Variants in CEP89 observed in about 807,000 individuals in gnomAD.
CEP89 encodes the protein centrosomal protein 89.
A neutral mutation model predicts 97.6 loss-of-function variants in CEP89; 95 were observed. The ratio of observed to expected loss-of-function variants is 0.97; its 90% CI spans 0.82 to 1.15. The LOEUF (loss-of-function observed/expected upper bound fraction) is 1.15, where lower values mean the gene tolerates loss of function less well. CEP89 is among the 50% of genes most tolerant of loss of function. The pLI is 0.00. For missense variants in CEP89, 869 were observed against 947.7 expected, an observed-to-expected ratio of 0.92 and a Z score of 1.09; for synonymous variants, 354 against 349.1, an observed-to-expected ratio of 1.01 and a Z score of -0.16.
chr19:32,893,177 A>G (rs1215200308), intron 16 of CEP89, among the ~76,000 whole-genome samples: 1 of 152,156 alleles, frequency 6.6e-6, no homozygotes, highest in African/African-American at 2.4e-5. Context: ...ATCCATACAG[A>G]CTGAAAGTAA....
In CEP89 at chr19:32,915,423, TA is replaced by T. The variant is rs1264840369; in HGVS notation, c.1478del (p.Leu493TyrfsTer25). On this transcript the variant is annotated frameshift_variant, in exon 14 of 19. Coordinates refer to ENST00000305768, the MANE Select transcript of CEP89 (RefSeq NM_032816.5). LOFTEE classifies it high-confidence loss of function. ...LAENREQLEI[L>X]RAKCQELKTH... ...TTTTGAGTTCTTGGCATTTGGCACG[TA>T]AAATCTCCAGCTGTTCCCTGTTCTC... 1.2e-6 allele frequency: 2 copies of T among 1,614,030 alleles called. No individual in the cohort carries two copies. Among genetic ancestry groups the T allele is most frequent in the Non-Finnish European group, 1.7e-6 (2 of 1,179,986 alleles).
Position 32,939,898 on chromosome 19 carries a change from A to AAG in CEP89, c.596-15_596-14dup. On this transcript the variant is annotated splice_polypyrimidine_tract_variant and intron_variant, in intron 5 of 18. Transcript: ENST00000305768. Reference sequence around the variant, plus strand: ...GGGTGTTTACCATCTGATGAAGAAAAAGAGAGAGAGATAAACTTTTAAAGT... The same window carrying AAG: ...GGGTGTTTACCATCTGATGAAGAAAAAGAGAGAGAGAGATAAACTTTTAAAGT... 1.4e-5 allele frequency: 18 copies of AAG among 1,249,726 alleles called. No homozygotes were observed. Among genetic ancestry groups the AAG allele is most frequent in the Non-Finnish European group, 1.8e-5 (16 of 872,448 alleles). The allele number at this position is 1,249,726 out of a possible 1,614,324, so 77.4% of individuals were successfully genotyped here.
intron 9 of CEP89, among the ~76,000 whole-genome samples, chr19:32,927,315 A>G (rs987578895): frequency 6.6e-6 from 1 of 152,114 alleles, no homozygotes; most frequent in African/African-American, 2.4e-5. Context: ...AAATACTTGT[A>G]TTTCCTAAAA....
intron 4 of CEP89, among the ~76,000 whole-genome samples, chr19:32,948,866 A>T (rs1357850359): frequency 1.3e-5 from 2 of 152,280 alleles, no homozygotes; most frequent in South Asian, 2.1e-4. Flanking sequence ...CTGGGACCAC[A>T]GGCGTGCACC....
At chr19:32,882,366 C>T (rs1308400452) in intron 17 of CEP89, among the ~76,000 whole-genome samples, 2 of 152,058 alleles carry the variant, frequency 1.3e-5, no homozygotes, top group Admixed American at 1.3e-4. Context: ...AGTTCAAGAC[C>T]AGCCTGGCCA....
In CEP89 at chr19:32,933,807, C is replaced by G. The variant is rs978174894; in HGVS notation, c.668-138G>C. 3 of 653,354 alleles carry G rather than the reference C, an allele frequency of 4.6e-6. No individual in the cohort carries two copies. The African/African-American group carries it at 5.4e-5, about 12-fold the overall frequency. The allele number at this position is 653,354 out of a possible 1,614,324, so 40.5% of individuals were successfully genotyped here. A position where few individuals can be genotyped will look rare whatever the true frequency, so the allele number is the denominator to read the frequency against. On this transcript the variant is annotated intron_variant, in intron 7 of 18. Transcript: ENST00000305768. ...GTCCCTGGGAAGGGAATGGCTTCTA[C>G]AGGAAACAGTAAGTGGCCTGATGAA... is the stretch of plus-strand genomic sequence containing the variant.
intron 4 of CEP89, among the ~76,000 whole-genome samples, chr19:32,953,213 T>G (rs1240952082): frequency 2.7e-5 from 4 of 150,708 alleles, no homozygotes; most frequent in African/African-American, 4.9e-5. Flanking sequence ...GCGCTCACAG[T>G]AAACACTCAA....
At chr19:32,899,665 G>A (rs1345051911) in intron 16 of CEP89, among the ~76,000 whole-genome samples, 192 bp downstream of exon 16, 2 of 152,148 alleles carry the variant, frequency 1.3e-5, no homozygotes, top group African/African-American at 4.8e-5. Flanking sequence ...GTTGTAAGGA[G>A]TTCCTCAATT....
intron 14 of CEP89, among the ~76,000 whole-genome samples, chr19:32,913,635 C>A (rs1052414077): frequency 8.1e-6 from 1 of 123,136 alleles, no homozygotes; most frequent in Non-Finnish European, 1.7e-5. Flanking sequence ...CACATACACA[C>A]ACACTTTTTT....
intron 13 of CEP89, among the ~76,000 whole-genome samples, chr19:32,917,063 T>A (rs1327702365): frequency 6.6e-6 from 1 of 152,056 alleles, no homozygotes; most frequent in Non-Finnish European, 1.5e-5. Context: ...TTCTGGGCAA[T>A]GGGAAAATAG....
intron 17 of CEP89, among the ~76,000 whole-genome samples, chr19:32,886,182 C>A (rs1484024131): frequency 1.3e-5 from 2 of 152,218 alleles, no homozygotes; most frequent in Admixed American, 1.3e-4. Flanking sequence ...ATCTCCTTTG[C>A]GGCAACACTT....
intron 1 of CEP89, among the ~76,000 whole-genome samples, chr19:32,966,688 CTT>C (rs1229891633): frequency 6.6e-6 from 1 of 152,168 alleles, no homozygotes; most frequent in African/African-American, 2.4e-5. Flanking sequence ...GTGTGGCCCT[CTT>C]GTCCTTCCCT....
intron 13 of CEP89, among the ~76,000 whole-genome samples, chr19:32,916,661 G>A: frequency 6.6e-6 from 1 of 152,166 alleles, no homozygotes; most frequent in African/African-American, 2.4e-5. Context: ...GCCGACACTA[G>A]CACTTAGAGG....
chr19:32,914,998 G>A (rs563105703), intron 14 of CEP89, among the ~76,000 whole-genome samples: 3 of 151,974 alleles, frequency 2.0e-5, no homozygotes, highest in Admixed American at 6.6e-5. Flanking sequence ...TCTAGCCTGC[G>A]CAACAGAGTG....
At chr19:32,893,533 A>G (rs1219666112) in intron 16 of CEP89, among the ~76,000 whole-genome samples, 1 of 152,238 alleles carries the variant, frequency 6.6e-6, no homozygotes, top group African/African-American at 2.4e-5. Flanking sequence ...AAATGACCTA[A>G]TAGACATTTA....
At chr19:32,963,629 C>T (rs16967668) in intron 2 of CEP89, 30,061 of 151,884 alleles carry the variant, frequency 0.2, 3,055 homozygotes, top group African/African-American at 0.23. Context: ...CTGGCATACA[C>T]AAAGAGATCT....
chr19:32,955,608 C>T (rs902167992), intron 3 of CEP89, among the ~76,000 whole-genome samples: 2 of 151,696 alleles, frequency 1.3e-5, no homozygotes, highest in Non-Finnish European at 2.9e-5. Flanking sequence ...CCGCTTCCCG[C>T]GTTCAAGTGA....
intron 3 of CEP89, among the ~76,000 whole-genome samples, chr19:32,956,748 T>A (rs1436565495): frequency 6.6e-6 from 1 of 152,230 alleles, no homozygotes; most frequent in Non-Finnish European, 1.5e-5. Context: ...GTTTTTTCTG[T>A]TCTATTAATA....
chr19:32,892,157 G>T (rs959517278), intron 16 of CEP89, among the ~76,000 whole-genome samples: 2 of 135,194 alleles, frequency 1.5e-5, no homozygotes, highest in African/African-American at 5.4e-5. Context: ...TATATATTTA[G>T]ACATACATAT....
Sources: gnomAD v4.1 joint callset for allele counts (sites outside exome capture counted in the v4.1 genomes callset) on GRCh38, gnomAD v4.1.1 for gene constraint, MANE v1.5 for transcripts, NCBI Gene and HGNC (gene_info 2026-07-23, HGNC 2026-07-21) for gene names.